Variants in MPRIP observed in about 807,000 individuals in gnomAD.
MPRIP encodes the protein myosin phosphatase Rho interacting protein, also known as myosin phosphatase Rho-interacting protein.
MPRIP carries 59 observed loss-of-function variants against 234.9 expected under a neutral mutation model. The observed-to-expected ratio is 0.25, with a 90% CI of 0.20 to 0.31. The LOEUF is 0.31. Among genes scored for constraint, MPRIP ranks in the 10% least tolerant of loss-of-function variants. MPRIP has a pLI of 1.00. For missense variants in MPRIP, 2,436 were observed against 3,071.0 expected (o/e 0.79, Z 4.89); for synonymous variants, 1,144 against 1,263.9 (o/e 0.91, Z 2.01).
At chr17:17,066,578 T>C (rs1158463872) in intron 1 of MPRIP, among the ~76,000 whole-genome samples, 2 of 152,024 alleles carry the variant, frequency 1.3e-5, no homozygotes, top group Non-Finnish European at 1.5e-5. Context: ...TCCCCCTTTA[T>C]TTGCAAGAGA....
At chr17:17,100,577 C>CT (rs1357859074) in intron 3 of MPRIP, among the ~76,000 whole-genome samples, 2 of 152,156 alleles carry the variant, frequency 1.3e-5, no homozygotes, top group Non-Finnish European at 2.9e-5. Context: ...AGCTCCACCT[C>CT]TTTCAGCATT....
chr17:17,180,928 G>A (rs1189719195), intron 23 of MPRIP, among the ~76,000 whole-genome samples: 2 of 152,244 alleles, frequency 1.3e-5, no homozygotes, highest in African/African-American at 4.8e-5. Flanking sequence ...GATAATCTGT[G>A]CACAACGGCT....
chr17:17,042,950 C>G lies in MPRIP; in HGVS notation c.102C>G (p.Leu34=), dbSNP rs2088224198. ...TCAAGCCCCGCGAGTCGCATCTGCT[C>G]AACGACGAGGACCTGACGCAGGTGA... The part of the protein sequence containing the change: ...NCFKPRESHL[L]NDEDLTQAKP... Residue 34 remains leucine (L), a synonymous_variant, in exon 1 of 24, where the codon CTC becomes CTG. Transcript: ENST00000651222. The G allele has an allele frequency of 3.1e-6, 5 of 1,610,922 alleles. No homozygotes were observed. Among genetic ancestry groups the G allele is most frequent in the Non-Finnish European group, 4.2e-6 (5 of 1,178,870 alleles).
At chr17:17,148,785 A>G (rs1360044652) in intron 11 of MPRIP, among the ~76,000 whole-genome samples, 1 of 152,214 alleles carries the variant, frequency 6.6e-6, no homozygotes, top group Non-Finnish European at 1.5e-5. Flanking sequence ...GGTGTTTGGC[A>G]TATATTTTCA....
intron 7 of MPRIP, chr17:17,142,323 T>C: frequency 3.4e-6 from 1 of 298,002 alleles, no homozygotes; most frequent in Non-Finnish European, 6.4e-6. Context: ...ATCATGTCTG[T>C]GGCTCAGGAG....
chr17:17,174,927 C>G (rs557515706), intron 19 of MPRIP, among the ~76,000 whole-genome samples: 33 of 152,304 alleles, frequency 2.2e-4, no homozygotes, highest in Non-Finnish European at 4.7e-4. Flanking sequence ...TTAAAACAGC[C>G]CTCTATGACC....
rs987951432 is a variant in MPRIP, at chr17:17,075,694, C to G, written c.124-16C>G. The G allele has an allele frequency of 1.2e-6, 2 of 1,613,668 alleles. No homozygotes were observed. Among genetic ancestry groups the G allele is most frequent in the African/African-American group, 2.7e-5 (2 of 74,914 alleles). On this transcript the variant is annotated splice_polypyrimidine_tract_variant and intron_variant, in intron 1 of 23. Coordinates refer to ENST00000651222, the MANE Select transcript of MPRIP (RefSeq NM_001364716.4). Reference sequence around the variant, plus strand: ...TTGAAGGCTGCTGGTGACCTGCCCTCTTTTTTCTCCTCTAGGCAAAACCCA... The same window carrying G: ...TTGAAGGCTGCTGGTGACCTGCCCTGTTTTTTCTCCTCTAGGCAAAACCCA...
rs2045457730 is a variant in MPRIP, at chr17:17,146,057, A to G, written c.1525A>G (p.Lys509Glu). ...TCAGCCCGACCTGCTGAATTTCAAG[A>G]AAGGCTGGCTGACTAAGCAGTATGA... ...SVTPDLLNFK[K>E]GWLTKQYEDG... Residue 509 changes from lysine to glutamate, a missense_variant, in exon 10 of 24, where the codon AAA becomes GAA. Around this residue, in one of 4 missense-constraint regions of MPRIP, gnomAD observed 1,998 missense variants for 2,520.3 expected, o/e 0.79. Transcript: ENST00000651222. The G allele has an allele frequency of 1.2e-6, 2 of 1,614,074 alleles. No homozygotes were observed. Among genetic ancestry groups the G allele is most frequent in the East Asian group, 4.5e-5 (2 of 44,886 alleles).
intron 1 of MPRIP, among the ~76,000 whole-genome samples, chr17:17,064,684 C>G (rs1183877900): frequency 6.6e-6 from 1 of 152,232 alleles, no homozygotes; most frequent in African/African-American, 2.4e-5. Context: ...ACCTAGAATT[C>G]TCTGGCTATT....
intron 7 of MPRIP, among the ~76,000 whole-genome samples, chr17:17,140,389 A>AC (rs2090787825): frequency 6.6e-6 from 1 of 151,664 alleles, no homozygotes; most frequent in Non-Finnish European, 1.5e-5. Context: ...TGCTGGCCCC[A>AC]CCCCCCACCA....
At chr17:17,045,427 A>G (rs1017830205) in intron 1 of MPRIP, among the ~76,000 whole-genome samples, 4 of 152,172 alleles carry the variant, frequency 2.6e-5, no homozygotes, top group South Asian at 4.1e-4. Flanking sequence ...GAGATCAGCT[A>G]ATGTAACCAC....
At chr17:17,145,988 A>C (rs776580109) in intron 9 of MPRIP, 48 bp from the exon 10 acceptor site, 1 of 1,571,334 alleles carries the variant, frequency 6.4e-7, no homozygotes, top group Non-Finnish European at 8.7e-7. Context: ...GACACTCATG[A>C]CACTAGAAGA....
chr17:17,166,976 G>A lies in MPRIP; in HGVS notation c.5385G>A (p.Glu1795=). The stretch of plus-strand genomic sequence containing the variant: ...AGGAGAAGGCCAGCCTCTTAGAGGA[G>A]ATAGCGGCTGCCTTACCATCTCTGC... ...QLKEKASLLE[E]IAAALPSLPP... is the part of the protein sequence containing the mutation. Residue 1795 remains glutamate (E), a synonymous_variant, in exon 16 of 24, where the codon GAG becomes GAA. Coordinates refer to ENST00000651222, the MANE Select transcript of MPRIP (RefSeq NM_001364716.4). The surrounding 1 kb of genome is among the most constrained non-coding windows in gnomAD (Gnocchi z 4.4). The A allele has an allele frequency of 7.7e-7, 1 of 1,304,256 alleles. No homozygotes were observed. The highest frequency in any genetic ancestry group is 1.2e-5 in the South Asian group (1 of 81,032). 80.8% of individuals were successfully genotyped at this position (1,304,256 alleles called of 1,614,324 possible). A position where few individuals can be genotyped will look rare whatever the true frequency, so the allele number is the denominator to read the frequency against.
intron 9 of MPRIP, 85 bp from the exon 10 acceptor site, chr17:17,145,951 A>G (rs2045454896): frequency 2.3e-6 from 3 of 1,325,482 alleles, no homozygotes; most frequent in African/African-American, 1.5e-5. Flanking sequence ...TACCCGCCTC[A>G]TCTGGACAGA....
rs2046611925 is a variant in MPRIP at position 17,192,437 on chromosome 17, G to GGGGC, written c.*7546_*7547insCGGG. 1 of 122,832 alleles carries GGGGC rather than the reference G, an allele frequency of 8.1e-6. No individual in the cohort carries two copies. The highest frequency in any genetic ancestry group is 1.7e-5 in the Non-Finnish European group (1 of 57,910). The allele number at this position is 122,832 out of a possible 1,614,324, so 7.6% of individuals were successfully genotyped here. A position where few individuals can be genotyped will look rare whatever the true frequency, so the allele number is the denominator to read the frequency against. On this transcript the variant is annotated 3_prime_UTR_variant, in exon 24 of 24. Coordinates refer to ENST00000651222, the MANE Select transcript of MPRIP (RefSeq NM_001364716.4). ...CTGCTGCTTTTTTTTTGGGGGGGGG[G>GGGGC]GGGGGAGGGGCGTCTTGAGGCTTTT...
Position 17,166,819 on chromosome 17 carries a change from T to C in MPRIP, c.5228T>C (p.Leu1743Pro). 1 of 1,304,222 alleles carries C rather than the reference T, an allele frequency of 7.7e-7. No homozygotes were observed. Among genetic ancestry groups the C allele is most frequent in the Non-Finnish European group, 1.0e-6 (1 of 988,966 alleles). 80.8% of individuals were successfully genotyped at this position (1,304,222 alleles called of 1,614,324 possible). The change falls in exon 16 of 24, where the codon CTG (leucine) becomes CCG (proline). Residue 1743 changes from leucine to proline, a missense_variant. Physicochemically the swap from Leu to Pro is moderately conservative, Grantham distance 98. This residue lies in a region of MPRIP where 1,998 missense variants were observed against 2,520.3 expected (regional missense o/e 0.79). Coordinates refer to ENST00000651222, the MANE Select transcript of MPRIP (RefSeq NM_001364716.4). This position sits in a 1 kb window ranked among gnomAD's most constrained non-coding sequence, Gnocchi z 4.4. ...GCGGGCCATGAAGATGGTGTTCAGC[T>C]GTCCTGGGACCTGAGCCCCTTAGGA... ...LPAGHEDGVQ[L>P]SWDLSPLGEV...
chr17:17,161,690 T>G (rs564987345), intron 15 of MPRIP, among the ~76,000 whole-genome samples: 1 of 152,348 alleles, frequency 6.6e-6, no homozygotes, highest in African/African-American at 2.4e-5. Context: ...CATTTGCATG[T>G]GATTTCTCAT....
At chr17:17,124,737 G>A (rs536047971) in intron 3 of MPRIP, among the ~76,000 whole-genome samples, 1 of 152,294 alleles carries the variant, frequency 6.6e-6, no homozygotes, top group South Asian at 2.1e-4. Context: ...GTGGAGGTGG[G>A]GTGCGCTTTT....
chr17:17,135,574 G>A (rs1190936885), intron 5 of MPRIP, among the ~76,000 whole-genome samples: 1 of 152,190 alleles, frequency 6.6e-6, no homozygotes, highest in African/African-American at 2.4e-5. Context: ...TAAAGTGCTA[G>A]TATTTTGGGT....
Sources: allele counts gnomAD v4.1 joint callset (sites outside exome capture counted in the v4.1 genomes callset), GRCh38; gene constraint gnomAD v4.1.1; regional missense constraint gnomAD v4.1.1; non-coding constraint Gnocchi (gnomAD v3.1); transcripts MANE v1.5; gene names NCBI Gene and HGNC (gene_info 2026-07-23, HGNC 2026-07-21).